The following SEMA3B variants were observed in gnomAD, a reference collection of about 807,000 sequenced individuals.
SEMA3B encodes the protein semaphorin-3B.
In SEMA3B, 71 loss-of-function variants were observed where a neutral mutation model predicts 77.8. The ratio of observed to expected loss-of-function variants is 0.91; its 90% CI spans 0.75 to 1.11. The LOEUF (loss-of-function observed/expected upper bound fraction) is 1.11, where lower values mean the gene tolerates loss of function less well. Among genes scored for constraint, SEMA3B ranks in the 50% most tolerant of loss-of-function variants. The pLI is 0.00. For missense variants in SEMA3B, 968 were observed against 1,056.8 expected (o/e 0.92, Z 1.17); for synonymous variants, 470 against 452.9 (o/e 1.04, Z -0.48).
the SEMA3B span, chr3:50,262,282 G>A: frequency 1.3e-5 from 2 of 152,128 alleles, no homozygotes; most frequent in Admixed American, 6.5e-5. Context: ...GTGGCTGAGC[G>A]AGACTCCATC....
rs1575470675 is a variant in SEMA3B, at chr3:50,273,224, G to A, written c.665-74G>A. ...GGTGCTGTGCCCGCACTACGGGAAGGGGAAGCAGCGCGTGGGTCTCGCATC... is the reference window on the plus strand; with the variant it reads ...GGTGCTGTGCCCGCACTACGGGAAGAGGAAGCAGCGCGTGGGTCTCGCATC... On this transcript the variant is annotated intron_variant, in intron 6 of 16. Transcript: ENST00000616701. This position sits in a 1 kb window ranked among gnomAD's most constrained non-coding sequence, Gnocchi z 6.5. The A allele has an allele frequency of 2.6e-6, 4 of 1,535,252 alleles. No individual in the cohort carries two copies. The highest frequency in any genetic ancestry group is 1.7e-4 in the Middle Eastern group (1 of 5,842).
chr3:50,271,163 G>T lies in SEMA3B; in HGVS notation c.526G>T (p.Ala176Ser), dbSNP rs1553705302. ...GKSPYDPRHR[A>S]ASVLVGEELY... ...GAGTCCTTATGACCCCAGGCATCGG[G>T]CTGCCTCCGTGCTGGTGGGTGAGTC... Residue 176 changes from alanine to serine, a missense_variant, in exon 5 of 17, where the codon GCT (alanine) becomes TCT (serine). By Grantham distance (99) the Ala-to-Ser change is moderately conservative. Transcript: ENST00000616701. The T allele has an allele frequency of 3.8e-6, 6 of 1,577,628 alleles. No homozygotes were observed. Among genetic ancestry groups the T allele is most frequent in the Non-Finnish European group, 2.6e-6 (3 of 1,162,046 alleles).
the SEMA3B span, chr3:50,261,486 T>G: frequency 6.6e-6 from 1 of 152,194 alleles, no homozygotes; most frequent in South Asian, 2.1e-4. Flanking sequence ...GCTTTCAGAG[T>G]CAGAGAGGCC....
chr3:50,273,289 C>T lies in SEMA3B; in HGVS notation c.665-9C>T. The T allele has an allele frequency of 6.2e-7, 1 of 1,612,154 alleles. No homozygotes were observed. Among genetic ancestry groups the T allele is most frequent in the South Asian group, 1.1e-5 (1 of 90,776 alleles). ...GGACCCGCTGACCCATGCCTCCTGC[C>T]GCGGTCAGAGCCCAAGTTTGTCAAG... On this transcript the variant is annotated splice_polypyrimidine_tract_variant and intron_variant, in intron 6 of 16. Coordinates refer to ENST00000616701, the MANE Select transcript of SEMA3B (RefSeq NM_001290060.2). This position sits in a 1 kb window ranked among gnomAD's most constrained non-coding sequence, Gnocchi z 6.5.
Position 50,276,840 on chromosome 3 carries a change from G to T in SEMA3B, c.*134G>T. 2 of 1,116,420 alleles carry T rather than the reference G, an allele frequency of 1.8e-6. No homozygotes were observed. The highest frequency in any genetic ancestry group is 2.4e-6 in the Non-Finnish European group (2 of 833,728). 69.2% of individuals were successfully genotyped at this position (1,116,420 alleles called of 1,614,324 possible). ...GGCCGATGGAGACACCAACCGACAG[G>T]CCCTGGCTGAGGGCAGCTGCGCGGG... On this transcript the variant is annotated 3_prime_UTR_variant, in exon 17 of 17. Transcript: ENST00000616701. This position sits in a 1 kb window ranked among gnomAD's most constrained non-coding sequence, Gnocchi z 5.8.
At chr3:50,272,138 T>G (rs2109240580) in intron 6 of SEMA3B, among the ~76,000 whole-genome samples, 1 of 152,220 alleles carries the variant, frequency 6.6e-6, no homozygotes, top group South Asian at 2.1e-4. Flanking sequence ...GGCAGTGGCA[T>G]GCACACACCT....
In SEMA3B at chr3:50,271,402, C is replaced by G. The variant is rs201112544; in HGVS notation, c.586C>G (p.Arg196Gly). Reference protein sequence around the residue: ...YSGVAADLMGRDFTIFRSLGQ... With the variant: ...YSGVAADLMGGDFTIFRSLGQ... ...AGGGGTGGCAGCAGACCTCATGGGA[C>G]GAGACTTTACCATCTTTCGCAGCCT... Residue 196 changes from arginine to glycine, a missense_variant, in exon 6 of 17, where the codon CGA becomes GGA. By Grantham distance (125) the Arg-to-Gly change is moderately radical. Coordinates refer to ENST00000616701, the MANE Select transcript of SEMA3B (RefSeq NM_001290060.2). 6.3e-7 allele frequency: 1 copy of G among 1,590,758 alleles called. No individual in the cohort carries two copies. Among genetic ancestry groups the G allele is most frequent in the African/African-American group, 1.3e-5 (1 of 74,432 alleles).
In SEMA3B at chr3:50,275,888, C is replaced by A. The variant is rs587673100; in HGVS notation, c.1845+44C>A. 2 of 1,545,336 alleles carry A rather than the reference C, an allele frequency of 1.3e-6. No individual in the cohort carries two copies. Among genetic ancestry groups the A allele is most frequent in the African/African-American group, 1.4e-5 (1 of 73,728 alleles). On this transcript the variant is annotated intron_variant, in intron 16 of 16. Transcript: ENST00000616701. The surrounding 1 kb of genome is among the most constrained non-coding windows in gnomAD (Gnocchi z 7.5). ...TCCCCGCCAGGCTCCTGTCCCACCC[C>A]CTGCATCCAGGAGAGGCCCCGCCCT...
chr3:50,272,767 T>C (rs1453788575), intron 6 of SEMA3B, among the ~76,000 whole-genome samples: 4 of 149,324 alleles, frequency 2.7e-5, no homozygotes, highest in Non-Finnish European at 5.9e-5. Flanking sequence ...TCTCAGCTAC[T>C]TGGGAGGCTG....
At chr3:50,263,618 C>T (rs77097132), upstream of SEMA3B, among the ~76,000 whole-genome samples, 11,486 of 151,522 alleles carry the variant, frequency 0.076, 517 homozygotes, top group Middle Eastern at 0.11. Context: ...GTCAGGGACA[C>T]GGTCCTGCAG....
At position 50,270,351 on chromosome 3, in the gene SEMA3B, G is replaced by A. The variant is rs1439764952; in HGVS notation, c.267+67G>A. Reference sequence around the variant, plus strand: ...CCCTGGGACCCCACTCCAGCCTGGAGAGACCCAGAGGAATGGCTCCCTGAG... The same window carrying A: ...CCCTGGGACCCCACTCCAGCCTGGAAAGACCCAGAGGAATGGCTCCCTGAG... On this transcript the variant is annotated intron_variant, in intron 2 of 16. Transcript: ENST00000616701. This position sits in a 1 kb window ranked among gnomAD's most constrained non-coding sequence, Gnocchi z 4.7. 2 of 1,609,930 alleles carry A rather than the reference G, an allele frequency of 1.2e-6. No homozygotes were observed. The highest frequency in any genetic ancestry group is 1.7e-6 in the Non-Finnish European group (2 of 1,176,800).
At chr3:50,272,354 C>T (rs1017372910) in intron 6 of SEMA3B, among the ~76,000 whole-genome samples, 4 of 152,000 alleles carry the variant, frequency 2.6e-5, no homozygotes, top group Non-Finnish European at 5.9e-5. Context: ...GCAGGCAAAT[C>T]GCTTGAGGCC....
chr3:50,272,660 G>T (rs1327956196), intron 6 of SEMA3B, among the ~76,000 whole-genome samples: 3 of 151,440 alleles, frequency 2.0e-5, no homozygotes, highest in Non-Finnish European at 2.9e-5. Flanking sequence ...GCAGTGAATG[G>T]AGACTGTGCC....
chr3:50,273,181 T>A lies in SEMA3B; in HGVS notation c.665-117T>A. Reference sequence around the variant, plus strand: ...GGACATGGTGCTAGAGGTTGGGTGGTCAGACACTGTGATCCCGGGTGCTGT... The same window carrying A: ...GGACATGGTGCTAGAGGTTGGGTGGACAGACACTGTGATCCCGGGTGCTGT... On this transcript the variant is annotated intron_variant, in intron 6 of 16. Transcript: ENST00000616701. This position sits in a 1 kb window ranked among gnomAD's most constrained non-coding sequence, Gnocchi z 6.5. The A allele has an allele frequency of 7.0e-7, 1 of 1,432,440 alleles. No individual in the cohort carries two copies. The highest frequency in any genetic ancestry group is 1.4e-5 in the South Asian group (1 of 71,308). The allele number at this position is 1,432,440 out of a possible 1,614,324, so 88.7% of individuals were successfully genotyped here.
At chr3:50,269,129 G>T (rs782514925), upstream of SEMA3B, 1 of 757,374 alleles carries the variant, frequency 1.3e-6, no homozygotes. This position sits in a 1 kb window ranked among gnomAD's most constrained non-coding sequence, Gnocchi z 4.0. Flanking sequence ...CTAGCCTCCC[G>T]CCCTCGCCCT....
chr3:50,274,157 G>C lies in SEMA3B; in HGVS notation c.1137+100G>C. On this transcript the variant is annotated intron_variant, in intron 10 of 16. Coordinates refer to ENST00000616701, the MANE Select transcript of SEMA3B (RefSeq NM_001290060.2). This position sits in a 1 kb window ranked among gnomAD's most constrained non-coding sequence, Gnocchi z 4.7. ...TTGGTGAATGTGGTTTCTTCCTTTA[G>C]TTATGGGTGGGAAAACGTTTCCATC... 2 of 1,534,340 alleles carry C rather than the reference G, an allele frequency of 1.3e-6. No homozygotes were observed. The highest frequency in any genetic ancestry group is 1.8e-6 in the Non-Finnish European group (2 of 1,136,778).
Position 50,269,457 on chromosome 3 carries a change from AC to A in SEMA3B, c.109+110del. 1 of 676,596 alleles carries A rather than the reference AC, an allele frequency of 1.5e-6. No individual in the cohort carries two copies. Among genetic ancestry groups the A allele is most frequent in the Non-Finnish European group, 2.4e-6 (1 of 411,676 alleles). The allele number at this position is 676,596 out of a possible 1,614,324, so 41.9% of individuals were successfully genotyped here. On this transcript the variant is annotated intron_variant, in intron 1 of 16. Transcript: ENST00000616701. The surrounding 1 kb of genome is among the most constrained non-coding windows in gnomAD (Gnocchi z 4.0). ...CTGTTGCCCCATGTGCGTGCCTGTC[AC>A]CAGACTCTGGTAGGATTAGTGGGCA... is the stretch of plus-strand genomic sequence containing the variant.
At position 50,275,818 on chromosome 3, in the gene SEMA3B, C is replaced by T. The variant is rs1357491950; in HGVS notation, c.1819C>T (p.Arg607Cys). The part of the protein sequence containing the change: ...LQARVEWTFQ[R>C]AGVTAHTQVL... Reference sequence around the variant, plus strand: ...GGCGCGCGTGGAGTGGACTTTCCAGCGCGCAGGGGTGACAGCCCACACCCA... The same window carrying T: ...GGCGCGCGTGGAGTGGACTTTCCAGTGCGCAGGGGTGACAGCCCACACCCA... The change falls in exon 16 of 17, where the codon CGC (arginine) becomes TGC (cysteine). Residue 607 changes from arginine (R) to cysteine (C), a missense_variant. By Grantham distance (180) the Arg-to-Cys change is radical. Transcript: ENST00000616701. This position sits in a 1 kb window ranked among gnomAD's most constrained non-coding sequence, Gnocchi z 7.5. 2 of 1,608,234 alleles carry T rather than the reference C, an allele frequency of 1.2e-6. No homozygotes were observed. Among genetic ancestry groups the T allele is most frequent in the Non-Finnish European group, 1.7e-6 (2 of 1,178,942 alleles).
chr3:50,273,946 C>CA lies in SEMA3B; in HGVS notation c.1027dup (p.Ser343LysfsTer100). ...TCCAGGGCTCTGCGGTGTGCGTGTA[C>CA]AGCATGAACGACGTGCGCCGGGCCT... On this transcript the variant is annotated frameshift_variant, in exon 10 of 17. Transcript: ENST00000616701. LOFTEE classifies it high-confidence loss of function. The surrounding 1 kb of genome is among the most constrained non-coding windows in gnomAD (Gnocchi z 6.5). 1 of 1,613,354 alleles carries CA rather than the reference C, an allele frequency of 6.2e-7. No individual in the cohort carries two copies. Among genetic ancestry groups the CA allele is most frequent in the Non-Finnish European group, 8.5e-7 (1 of 1,179,504 alleles).
Sources: gnomAD v4.1 joint callset for allele counts (sites outside exome capture counted in the v4.1 genomes callset) on GRCh38, gnomAD v4.1.1 for gene constraint, Gnocchi (gnomAD v3.1) non-coding constraint, MANE v1.5 for transcripts, NCBI Gene and HGNC (gene_info 2026-07-23, HGNC 2026-07-21) for gene names.